RGS6: variants seen among roughly 807,000 people sequenced by gnomAD.
The protein encoded by RGS6 is regulator of G protein signaling 6, also known as regulator of G-protein signaling 6.
Under a neutral mutation model 78.5 loss-of-function variants are expected in RGS6, and 30 were observed. The observed-to-expected ratio is 0.38, with a 90% CI of 0.29 to 0.52. The LOEUF (loss-of-function observed/expected upper bound fraction) is 0.52, where lower values mean the gene tolerates loss of function less well. RGS6 is among the 20% of genes least tolerant of loss of function. RGS6 has a pLI of 0.85. For missense variants in RGS6, 495 were observed against 609.7 expected (o/e 0.81, Z 1.98); for synonymous variants, 206 against 206.0 (o/e 1.00, Z 0.00).
At chr14:72,236,395 T>C (rs1020158204) in intron 2 of RGS6, among the ~76,000 whole-genome samples, 3 of 152,206 alleles carry the variant, frequency 2.0e-5, no homozygotes, top group African/African-American at 7.2e-5. Flanking sequence ...AAATATTTAA[T>C]ATATATTTCA....
rs1242948080 is a variant in RGS6, at chr14:72,309,565, CT to C, written c.85-42527del. 2.6e-4 allele frequency among the ~76,000 whole-genome samples: 39 copies of C among 152,212 alleles called. 1 individual carries two copies. The highest frequency in any genetic ancestry group is 9.4e-4 in the African/African-American group (39 of 41,444). On this transcript the variant is annotated intron_variant, in intron 2 of 17. Transcript: ENST00000553525. ...GTATATTTGCACTTGGTTTAGAAAA[CT>C]TTCCTTTACCTAATCCTCAGGCGAT...
intron 3 of RGS6, among the ~76,000 whole-genome samples, chr14:72,374,065 A>G (rs2084088852): frequency 6.6e-6 from 1 of 152,198 alleles, no homozygotes; most frequent in Admixed American, 6.5e-5. Context: ...TGTTGTTGAA[A>G]CTGAACACCA....
intron 2 of RGS6, among the ~76,000 whole-genome samples, chr14:71,987,352 A>G (rs1274971079): frequency 6.6e-6 from 1 of 151,992 alleles, no homozygotes; most frequent in East Asian, 1.9e-4. Context: ...GGGTGGCTTA[A>G]AGACCTTCAC....
At chr14:71,910,631 G>C in the RGS6 span, among the ~76,000 whole-genome samples, 1 of 152,144 alleles carries the variant, frequency 6.6e-6, no homozygotes, top group Non-Finnish European at 1.5e-5. Flanking sequence ...TTTTCCCCCA[G>C]CAAGTGTTCA....
At chr14:72,248,502 T>G (rs1171296113) in intron 2 of RGS6, among the ~76,000 whole-genome samples, 1 of 152,246 alleles carries the variant, frequency 6.6e-6, no homozygotes, top group Non-Finnish European at 1.5e-5. Context: ...TAACACTCTA[T>G]GTAACCCACA....
chr14:71,899,347 T>G, the RGS6 span, among the ~76,000 whole-genome samples: 1 of 152,222 alleles, frequency 6.6e-6, no homozygotes, highest in East Asian at 1.9e-4. Flanking sequence ...GTTCCACCAA[T>G]TTCAGCAAAT....
Position 72,497,429 on chromosome 14 carries a change from ATC to A in RGS6, c.965+2169_965+2170del, listed in dbSNP as rs541669737. On this transcript the variant is annotated intron_variant, in intron 13 of 17. Transcript: ENST00000553525. Reference sequence around the variant, plus strand: ...CACATTTACTTGAATCATATATTTTATCTTTTTCCTGATATATTTCTGAATCT... The same window carrying A: ...CACATTTACTTGAATCATATATTTTATTTTTCCTGATATATTTCTGAATCT... Among the ~76,000 whole-genome samples, 377 of 152,306 alleles carry A rather than the reference ATC, an allele frequency of 2.5e-3. 3 individuals carry two copies. The highest frequency in any genetic ancestry group is 8.6e-3 in the African/African-American group (357 of 41,576).
At chr14:72,375,438 A>C (rs1271125592) in intron 3 of RGS6, among the ~76,000 whole-genome samples, 1 of 152,206 alleles carries the variant, frequency 6.6e-6, no homozygotes, top group Non-Finnish European at 1.5e-5. Flanking sequence ...AAACAGCACC[A>C]TGGGCCACCC....
At chr14:72,016,559 G>A (rs937700892) in intron 2 of RGS6, among the ~76,000 whole-genome samples, 2 of 152,012 alleles carry the variant, frequency 1.3e-5, no homozygotes, top group Non-Finnish European at 2.9e-5. Context: ...TAGAGATGGG[G>A]TTTCACCGTG....
intron 12 of RGS6, among the ~76,000 whole-genome samples, chr14:72,479,881 C>G (rs771817469): frequency 1.3e-5 from 2 of 152,192 alleles, no homozygotes; most frequent in Admixed American, 1.3e-4. Flanking sequence ...ACAGAAATGG[C>G]TGTCCTAGTA....
the RGS6 span, chr14:72,629,699 G>A: frequency 3.8e-5 from 59 of 1,535,954 alleles, no homozygotes; most frequent in African/African-American, 3.0e-4. Context: ...TGACAGCCTC[G>A]GTCATGTTCA....
chr14:72,316,226 CTTTTTATTT>C (rs1036109518), intron 2 of RGS6, among the ~76,000 whole-genome samples: 108 of 152,194 alleles, frequency 7.1e-4, no homozygotes, highest in African/African-American at 2.4e-3. Context: ...TCTCTTTTGT[CTTTTTATTT>C]TTTTTATTTT....
chr14:72,285,064 C>T (rs1280483926), intron 2 of RGS6, among the ~76,000 whole-genome samples: 1 of 152,182 alleles, frequency 6.6e-6, no homozygotes, highest in East Asian at 1.9e-4. Context: ...AAGTAACTAA[C>T]TTGCTTTTGA....
rs769333586 is a variant in RGS6 at position 72,536,266 on chromosome 14, C to G, written c.1359C>G (p.Ala453=). The G allele has an allele frequency of 1.9e-6, 3 of 1,613,608 alleles. No individual in the cohort carries two copies. In the Admixed American group the frequency reaches 5.0e-5, roughly 27 times the overall value. Residue 453 remains alanine (A), a synonymous_variant, in exon 16 of 18, where the codon GCC becomes GCG. Transcript: ENST00000553525. ...ATGCTTACCAGGATTTGCTGCTGGCCAAGAAGAAGGTATCTTTGGGAAGGG... is the reference window on the plus strand; with the variant it reads ...ATGCTTACCAGGATTTGCTGCTGGCGAAGAAGAAGGTATCTTTGGGAAGGG... The part of the protein sequence containing the change: ...RSNAYQDLLL[A]KKKPESEQGR...
chr14:71,879,204 C>T, the RGS6 span, among the ~76,000 whole-genome samples: 1 of 152,172 alleles, frequency 6.6e-6, no homozygotes, highest in African/African-American at 2.4e-5. Flanking sequence ...CATTTGCCCT[C>T]TTTGAAAGCA....
chr14:72,235,637 G>A (rs1314172257), intron 2 of RGS6, among the ~76,000 whole-genome samples: 1 of 152,204 alleles, frequency 6.6e-6, no homozygotes, highest in East Asian at 1.9e-4. Flanking sequence ...ATATCTAAGA[G>A]AAAATAAGTT....
At chr14:72,616,488 T>C in the RGS6 span, among the ~76,000 whole-genome samples, 2 of 152,160 alleles carry the variant, frequency 1.3e-5, no homozygotes, top group Non-Finnish European at 2.9e-5. Context: ...AGAAGACGTC[T>C]AACATTGGCT....
chr14:72,605,377 T>A, the RGS6 span, among the ~76,000 whole-genome samples: 1 of 152,216 alleles, frequency 6.6e-6, no homozygotes, highest in Non-Finnish European at 1.5e-5. Flanking sequence ...AGAGGAGAGC[T>A]GACACCTGGA....
At chr14:71,968,342 A>G (rs558816608) in intron 2 of RGS6, among the ~76,000 whole-genome samples, 17 of 152,190 alleles carry the variant, frequency 1.1e-4, no homozygotes, top group Non-Finnish European at 2.2e-4. Flanking sequence ...CTGATGCCCA[A>G]CTAAGTTTGA....
Sources: gnomAD v4.1 joint callset for allele counts (sites outside exome capture counted in the v4.1 genomes callset) on GRCh38, gnomAD v4.1.1 for gene constraint, MANE v1.5 for transcripts, NCBI Gene and HGNC (gene_info 2026-07-23, HGNC 2026-07-21) for gene names.